The following ZFP14 variants were observed in gnomAD, a reference collection of about 807,000 sequenced individuals.
The protein encoded by ZFP14 is zinc finger protein 14 homolog.
Under a neutral mutation model 54.5 loss-of-function variants are expected in ZFP14, and 22 were observed. The ratio of observed to expected loss-of-function variants is 0.40; its 90% CI spans 0.29 to 0.58. The LOEUF (loss-of-function observed/expected upper bound fraction) is 0.58, where lower values mean the gene tolerates loss of function less well. Ranked by LOEUF, ZFP14 falls within the 20% of genes least tolerant of loss-of-function variation. The probability of loss-of-function intolerance (pLI) is 0.39; values close to 1 mark genes in which losing one functional copy is unlikely to be tolerated. For synonymous variants in ZFP14, 159 were observed against 204.0 expected, an observed-to-expected ratio of 0.78 and a Z score of 1.88; for missense variants, 470 against 637.8, an observed-to-expected ratio of 0.74 and a Z score of 2.83.
At chr19:36,343,260 C>T (rs1320679477) in intron 4 of ZFP14, among the ~76,000 whole-genome samples, 4 of 152,178 alleles carry the variant, frequency 2.6e-5, no homozygotes, top group Admixed American at 1.3e-4. Context: ...TAAATGTTTT[C>T]AATGCTATCT....
At chr19:36,353,609 C>A (rs1210957212) in intron 4 of ZFP14, among the ~76,000 whole-genome samples, 1 of 133,232 alleles carries the variant, frequency 7.5e-6, no homozygotes, top group East Asian at 2.2e-4. Context: ...TGAGGCAGGA[C>A]AATCGCTTGA....
chr19:36,343,383 C>T (rs1568465125), intron 4 of ZFP14, among the ~76,000 whole-genome samples: 2 of 152,160 alleles, frequency 1.3e-5, no homozygotes, highest in African/African-American at 4.8e-5. Flanking sequence ...TGGCCTCTTT[C>T]AACGCACAAA....
chr19:36,369,838 T>C (rs2031853674), intron 1 of ZFP14, among the ~76,000 whole-genome samples: 2 of 152,264 alleles, frequency 1.3e-5, no homozygotes. Flanking sequence ...GGTTTTGTTT[T>C]GTTTTGTTTT....
At chr19:36,354,525 T>C (rs2031582712) in intron 4 of ZFP14, among the ~76,000 whole-genome samples, 1 of 142,372 alleles carries the variant, frequency 7.0e-6, no homozygotes, top group African/African-American at 2.6e-5. Flanking sequence ...TCCTCAAAAA[T>C]ACAAAGCTCC....
rs1194029343 is a variant in ZFP14, at chr19:36,334,664, G to GC, written c.*5559dup. ...GCAAAAAATTGCCCTGACTTATGCC[G>GC]CCCCCAACACAACCACTCACCATAT... is the stretch of plus-strand genomic sequence containing the variant. On this transcript the variant is annotated 3_prime_UTR_variant, in exon 5 of 5. Transcript: ENST00000270001. The GC allele has an allele frequency of 6.6e-6, 1 of 151,960 alleles. No individual in the cohort carries two copies. The highest frequency in any genetic ancestry group is 1.5e-5 in the Non-Finnish European group (1 of 68,014). 9.4% of individuals were successfully genotyped at this position (151,960 alleles called of 1,614,324 possible). A position where few individuals can be genotyped will look rare whatever the true frequency, so the allele number is the denominator to read the frequency against.
chr19:36,373,073 T>C (rs538641110), intron 1 of ZFP14, among the ~76,000 whole-genome samples: 62 of 150,112 alleles, frequency 4.1e-4, no homozygotes, highest in African/African-American at 1.5e-3. Context: ...AGGTCGGGAG[T>C]TCAAGACCAG....
intron 4 of ZFP14, among the ~76,000 whole-genome samples, chr19:36,345,588 G>A (rs1464425537): frequency 6.6e-6 from 1 of 152,154 alleles, no homozygotes; most frequent in Non-Finnish European, 1.5e-5. Context: ...GGTTGAGATG[G>A]TATAGGAAAG....
At chr19:36,349,080 T>G (rs556433588) in intron 4 of ZFP14, among the ~76,000 whole-genome samples, 1 of 151,122 alleles carries the variant, frequency 6.6e-6, no homozygotes, top group African/African-American at 2.4e-5. Flanking sequence ...ATACAAAAAA[T>G]TAGCCGGGTG....
chr19:36,375,384 A>ATTTTT (rs747537579), intron 1 of ZFP14, among the ~76,000 whole-genome samples: 1 of 128,746 alleles, frequency 7.8e-6, no homozygotes, highest in African/African-American at 3.0e-5. Flanking sequence ...GCAGGAAGGA[A>ATTTTT]TTTTTTTTTT....
At chr19:36,378,047 A>G (rs567604404) in intron 1 of ZFP14, 1 of 152,336 alleles carries the variant, frequency 6.6e-6, no homozygotes, top group East Asian at 1.9e-4. Context: ...ATATCTATTG[A>G]CTGGCAGAAA....
At chr19:36,349,594 G>C (rs1035179123) in intron 4 of ZFP14, among the ~76,000 whole-genome samples, 2 of 150,772 alleles carry the variant, frequency 1.3e-5, no homozygotes, top group Admixed American at 6.6e-5. Context: ...TGAACCTCAG[G>C]AGGCAGAGGC....
chr19:36,358,215 A>G (rs540026300), intron 4 of ZFP14, among the ~76,000 whole-genome samples: 9 of 151,882 alleles, frequency 5.9e-5, no homozygotes, highest in Non-Finnish European at 1.3e-4. Flanking sequence ...GGTTCAACCA[A>G]TTCTCCCACC....
intron 2 of ZFP14, among the ~76,000 whole-genome samples, chr19:36,366,507 C>G (rs12459465): frequency 6.6e-6 from 1 of 151,762 alleles, no homozygotes; most frequent in Non-Finnish European, 1.5e-5. Flanking sequence ...TGTAGAGACA[C>G]GGTTTTGCCT....
intron 2 of ZFP14, among the ~76,000 whole-genome samples, chr19:36,364,768 G>C (rs1286214896): frequency 6.6e-6 from 1 of 152,028 alleles, no homozygotes; most frequent in Non-Finnish European, 1.5e-5. Flanking sequence ...GAGAAGTTTA[G>C]AGTTTTCCCT....
intron 1 of ZFP14, among the ~76,000 whole-genome samples, chr19:36,377,538 CCT>C (rs1198397665): frequency 2.3e-5 from 3 of 129,502 alleles, no homozygotes; most frequent in Non-Finnish European, 4.9e-5. Context: ...AGAGTGAGAC[CCT>C]GTCTCTAAAA....
At position 36,346,898 on chromosome 19, in the gene ZFP14, C is replaced by T. The variant is rs193198023; in HGVS notation, c.236-5308G>A. Among the ~76,000 whole-genome samples, 77 of 152,324 alleles carry T rather than the reference C, an allele frequency of 5.1e-4. 1 individual carries two copies. Among genetic ancestry groups the T allele is most frequent in the South Asian group, 4.6e-3 (22 of 4,826 alleles). ...CTCTGTCTGGATCAATAGGCAGGTT[C>T]GCTTGCTTGTTCAGGATAATAAAGG... On this transcript the variant is annotated intron_variant, in intron 4 of 4. Coordinates refer to ENST00000270001, the MANE Select transcript of ZFP14 (RefSeq NM_020917.3).
rs2031235680 is a variant in ZFP14, at chr19:36,337,910, AT to A, written c.*2313del. The A allele has an allele frequency of 6.6e-6, 1 of 152,226 alleles. No homozygotes were observed. The highest frequency in any genetic ancestry group is 1.5e-5 in the Non-Finnish European group (1 of 68,034). 9.4% of individuals were successfully genotyped at this position (152,226 alleles called of 1,614,324 possible). A position where few individuals can be genotyped will look rare whatever the true frequency, so the allele number is the denominator to read the frequency against. On this transcript the variant is annotated 3_prime_UTR_variant, in exon 5 of 5. Coordinates refer to ENST00000270001, the MANE Select transcript of ZFP14 (RefSeq NM_020917.3). ...GAAGATCATGTTTTCTGGACCCATT[AT>A]TCCATTAAGGTCTAGAAAATGGTGA... is the stretch of plus-strand genomic sequence containing the variant.
At chr19:36,356,624 C>G (rs1407425655) in intron 4 of ZFP14, among the ~76,000 whole-genome samples, 1 of 152,094 alleles carries the variant, frequency 6.6e-6, no homozygotes, top group Non-Finnish European at 1.5e-5. Flanking sequence ...TTACCCCTTT[C>G]TAACCCGAAC....
rs1418776839 is a variant in ZFP14 at position 36,352,813 on chromosome 19, C to A, written c.235+7622G>T. Among the ~76,000 whole-genome samples, 17 of 141,776 alleles carry A rather than the reference C, an allele frequency of 1.2e-4. 5 individuals are homozygous for A. The highest frequency in any genetic ancestry group is 4.2e-4 in the African/African-American group (16 of 38,536). The allele number at this position is 141,776 out of a possible 152,430, so 93.0% of individuals were successfully genotyped here. ...AAAATTAGCCGGGCGTGGTGGCAGG[C>A]GCCTGTAGTCCCAGCTACTTGGGAG... On this transcript the variant is annotated intron_variant, in intron 4 of 4. Coordinates refer to ENST00000270001, the MANE Select transcript of ZFP14 (RefSeq NM_020917.3).
Sources: allele counts gnomAD v4.1 joint callset (sites outside exome capture counted in the v4.1 genomes callset), GRCh38; gene constraint gnomAD v4.1.1; transcripts MANE v1.5; gene names NCBI Gene and HGNC (gene_info 2026-07-23, HGNC 2026-07-21).